Variants in TRRAP observed in about 807,000 individuals in gnomAD.
The protein encoded by TRRAP is transformation/transcription domain associated protein, also known as transformation/transcription domain-associated protein.
Under a neutral mutation model 438.8 loss-of-function variants are expected in TRRAP, and 41 were observed. That is an observed-to-expected ratio of 0.09 (90% CI 0.07 to 0.12). TRRAP has a LOEUF of 0.12. Among genes scored for constraint, TRRAP ranks in the 10% least tolerant of loss-of-function variants. The pLI, the probability that TRRAP is intolerant of heterozygous loss-of-function variation, is 1.00. For missense variants in TRRAP, 3,122 were observed against 5,055.1 expected, an observed-to-expected ratio of 0.62 and a Z score of 11.60; for synonymous variants, 1,994 against 1,962.9, an observed-to-expected ratio of 1.02 and a Z score of -0.42.
At chr7:98,999,639 C>T (rs1468145852) in intron 67 of TRRAP, 2 of 916,226 alleles carry the variant, frequency 2.2e-6, no homozygotes, top group African/African-American at 3.3e-5. Flanking sequence ...TTGGTGACAG[C>T]AATTTGCCAC....
At position 98,950,187 on chromosome 7, in the gene TRRAP, C is replaced by T. The variant is rs782129928; in HGVS notation, c.5259C>T (p.Ile1753=). Reference sequence around the variant, plus strand: ...AAGAGATTCCCAAAAATTACAGCATCGCTCAGAAACGTGCCCTGTTCTTTC... The same window carrying T: ...AAGAGATTCCCAAAAATTACAGCATTGCTCAGAAACGTGCCCTGTTCTTTC... ...MEEEIPKNYS[I]AQKRALFFRF... is the part of the protein sequence containing the mutation. Residue 1753 remains isoleucine, a synonymous_variant, in exon 38 of 73, where the codon ATC becomes ATT. Transcript: ENST00000456197. 66 of 1,614,084 alleles carry T rather than the reference C, an allele frequency of 4.1e-5. No homozygotes were observed. The South Asian group carries it at 6.5e-4, about 16-fold the overall frequency.
intron 1 of TRRAP, among the ~76,000 whole-genome samples, chr7:98,880,757 G>C (rs927902218): frequency 6.6e-6 from 1 of 152,154 alleles, no homozygotes; most frequent in Non-Finnish European, 1.5e-5. Flanking sequence ...TCTGGTTATA[G>C]CAGCGCTGAG....
intron 19 of TRRAP, among the ~76,000 whole-genome samples, chr7:98,916,843 C>T (rs1412890664): frequency 2.0e-5 from 3 of 152,140 alleles, no homozygotes; most frequent in Non-Finnish European, 4.4e-5. Context: ...TGAGGCCATC[C>T]CTGATGGCTT....
intron 62 of TRRAP, 135 bp from the exon 63 acceptor site, chr7:98,988,630 T>G: frequency 9.8e-7 from 1 of 1,020,380 alleles, no homozygotes; most frequent in South Asian, 1.6e-5. Flanking sequence ...GAGCGACTGC[T>G]TATGGGGCGG....
intron 67 of TRRAP, chr7:98,999,308 C>T: frequency 7.5e-7 from 1 of 1,328,124 alleles, no homozygotes; most frequent in East Asian, 2.3e-5. Context: ...ATTTTATCTG[C>T]TAAGCTTGAT....
rs776484890 is a variant in TRRAP at position 99,005,121 on chromosome 7, G to T, written c.10536-10G>T. 1 of 1,612,656 alleles carries T rather than the reference G, an allele frequency of 6.2e-7. No individual in the cohort carries two copies. The highest frequency in any genetic ancestry group is 2.2e-5 in the East Asian group (1 of 44,890). ...GCAGGGCATGTCCTCATGGCTTCTCGCTCTGGCAGGTTCATGCCCCGGGTA... is the reference window on the plus strand; with the variant it reads ...GCAGGGCATGTCCTCATGGCTTCTCTCTCTGGCAGGTTCATGCCCCGGGTA... On this transcript the variant is annotated splice_polypyrimidine_tract_variant and intron_variant, in intron 68 of 72. Transcript: ENST00000456197. The surrounding 1 kb of genome is among the most constrained non-coding windows in gnomAD (Gnocchi z 5.1).
chr7:98,946,121 G>C (rs768366340), intron 33 of TRRAP, among the ~76,000 whole-genome samples, 171 bp downstream of exon 33: 1 of 152,178 alleles, frequency 6.6e-6, no homozygotes, highest in Non-Finnish European at 1.5e-5. Flanking sequence ...GCTGTGAACT[G>C]TCTGATGCCA....
rs749423483 is a variant in TRRAP, at chr7:99,011,583, G to A, written c.11337+48G>A. ...CACAGGCGCAGGCTAGAGCCACTCAGATGCCCGCGCGTCACGGCCTTGCAG... is the reference window on the plus strand; with the variant it reads ...CACAGGCGCAGGCTAGAGCCACTCAAATGCCCGCGCGTCACGGCCTTGCAG... On this transcript the variant is annotated intron_variant, in intron 72 of 72. Coordinates refer to ENST00000456197, the MANE Select transcript of TRRAP (RefSeq NM_001375524.1). The surrounding 1 kb of genome is among the most constrained non-coding windows in gnomAD (Gnocchi z 7.1). 6.3e-7 allele frequency: 1 copy of A among 1,581,686 alleles called. No homozygotes were observed. Among genetic ancestry groups the A allele is most frequent in the African/African-American group, 1.4e-5 (1 of 74,012 alleles).
At chr7:98,905,026 C>G (rs1446443743) in intron 12 of TRRAP, among the ~76,000 whole-genome samples, 4 of 152,190 alleles carry the variant, frequency 2.6e-5, no homozygotes, top group Non-Finnish European at 4.4e-5. Flanking sequence ...CCTAGAGATT[C>G]TGGTTCTGGG....
At chr7:98,992,977 A>G (rs186592318) in intron 65 of TRRAP, among the ~76,000 whole-genome samples, 14 of 152,232 alleles carry the variant, frequency 9.2e-5, no homozygotes, top group East Asian at 3.9e-4. Context: ...AGAGAGGTAA[A>G]TTCAGAAAAA....
chr7:99,001,794 G>T (rs1230484380), intron 67 of TRRAP, among the ~76,000 whole-genome samples: 1 of 152,172 alleles, frequency 6.6e-6, no homozygotes, highest in East Asian at 1.9e-4. Flanking sequence ...CAGAAATGGC[G>T]CACTCCATTT....
chr7:98,950,381 G>A (rs1791280618), intron 38 of TRRAP, 119 bp downstream of exon 38: 5 of 1,210,690 alleles, frequency 4.1e-6, no homozygotes, highest in Non-Finnish European at 5.7e-6. Context: ...AGTGAGCCAG[G>A]TGCTGTGGCA....
intron 67 of TRRAP, among the ~76,000 whole-genome samples, chr7:98,995,810 C>T (rs191153781): frequency 1.0e-3 from 158 of 151,168 alleles, no homozygotes; most frequent in African/African-American, 3.5e-3. Flanking sequence ...TCTACACACC[C>T]GCGTCCCATC....
At chr7:98,942,423 A>G (rs1221796491) in intron 30 of TRRAP, among the ~76,000 whole-genome samples, 1 of 152,088 alleles carries the variant, frequency 6.6e-6, no homozygotes, top group Admixed American at 6.5e-5. Context: ...TGCCTTCTCT[A>G]GTCCCATCCT....
chr7:98,970,351 G>A (rs550200777), intron 52 of TRRAP, 60 bp downstream of exon 52: 33 of 1,571,352 alleles, frequency 2.1e-5, no homozygotes, highest in African/African-American at 4.0e-5. Flanking sequence ...CACACCCCAC[G>A]GGCAGAATCC....
chr7:98,925,303 T>C (rs1554411381), intron 22 of TRRAP, 40 bp downstream of exon 22: 14 of 1,601,796 alleles, frequency 8.7e-6, no homozygotes, highest in African/African-American at 1.3e-5. Context: ...GGGTGGATCC[T>C]GTTTTAGGAA....
At chr7:98,978,962 G>C in intron 58 of TRRAP, 58 bp downstream of exon 58, 1 of 1,601,744 alleles carries the variant, frequency 6.2e-7, no homozygotes, top group Non-Finnish European at 8.5e-7. Context: ...TGAAGCTGCA[G>C]GTGTCTCTTG....
At position 99,012,454 on chromosome 7, in the gene TRRAP, A is replaced by C; in HGVS notation, c.*99A>C. 1 of 1,373,424 alleles carries C rather than the reference A, an allele frequency of 7.3e-7. No homozygotes were observed. Among genetic ancestry groups the C allele is most frequent in the Non-Finnish European group, 9.7e-7 (1 of 1,029,574 alleles). 85.1% of individuals were successfully genotyped at this position (1,373,424 alleles called of 1,614,324 possible). Reference sequence around the variant, plus strand: ...CTGCCTCGTTCCTTATATTCACAGAAGCCCCATAGTTTCACTGGGTTGCGG... The same window carrying C: ...CTGCCTCGTTCCTTATATTCACAGACGCCCCATAGTTTCACTGGGTTGCGG... On this transcript the variant is annotated 3_prime_UTR_variant, in exon 73 of 73. Coordinates refer to ENST00000456197, the MANE Select transcript of TRRAP (RefSeq NM_001375524.1). This position sits in a 1 kb window ranked among gnomAD's most constrained non-coding sequence, Gnocchi z 5.9.
rs201533147 is a variant in TRRAP, at chr7:98,953,248, C to A, written c.5545C>A (p.His1849Asn). Residue 1849 changes from histidine to asparagine, a missense_variant, in exon 40 of 73, where the codon CAC becomes AAC. This residue lies in a region of TRRAP where 272 missense variants were observed against 348.5 expected (regional missense o/e 0.78). Transcript: ENST00000456197. ...GCAGTACGCCACGCTGCTGGTGGAG[C>A]ACGCCCCCCACCACATCCATGACAA... ...LLQYATLLVE[H>N]APHHIHDNNK... is the part of the protein sequence containing the mutation. 1.9e-6 allele frequency: 3 copies of A among 1,613,626 alleles called. No homozygotes were observed. The highest frequency in any genetic ancestry group is 4.5e-5 in the East Asian group (2 of 44,858).
Sources: allele counts gnomAD v4.1 joint callset (sites outside exome capture counted in the v4.1 genomes callset), GRCh38; gene constraint gnomAD v4.1.1; regional missense constraint gnomAD v4.1.1; non-coding constraint Gnocchi (gnomAD v3.1); transcripts MANE v1.5; gene names NCBI Gene and HGNC (gene_info 2026-07-23, HGNC 2026-07-21).